LAMA3: variants seen among roughly 807,000 people sequenced by gnomAD.
The protein encoded by LAMA3 is laminin subunit alpha-3.
In LAMA3, 281 loss-of-function variants were observed where a neutral mutation model predicts 402.0. The observed-to-expected ratio is 0.70, with a 90% CI of 0.63 to 0.77. The LOEUF (loss-of-function observed/expected upper bound fraction) is 0.77. Among genes scored for constraint, LAMA3 ranks in the 30% least tolerant of loss-of-function variants. LAMA3 has a pLI of 0.00. For synonymous variants in LAMA3, 1,431 were observed against 1,558.4 expected (o/e 0.92, Z 1.93); for missense variants, 3,840 against 4,215.5 (o/e 0.91, Z 2.47).
chr18:23,861,955 A>T, intron 35 of LAMA3, 148 bp downstream of exon 35: 1 of 886,584 alleles, frequency 1.1e-6, no homozygotes, highest in Non-Finnish European at 1.7e-6. Flanking sequence ...TGAGGAAGAG[A>T]CCCTGCCTCC....
intron 38 of LAMA3, among the ~76,000 whole-genome samples, chr18:23,872,562 C>T (rs142995310): frequency 2.2e-4 from 34 of 152,266 alleles, no homozygotes; most frequent in Admixed American, 1.5e-3. Flanking sequence ...TCTGCGCATA[C>T]GAGTTCCCAC....
chr18:23,884,900 G>A, intron 41 of LAMA3, 47 bp downstream of exon 41: 1 of 1,483,596 alleles, frequency 6.7e-7, no homozygotes, highest in Non-Finnish European at 9.3e-7. Context: ...GGGGCGGGGA[G>A]GGCTGTGGGT....
chr18:23,737,213 G>A (rs1302634854), intron 2 of LAMA3, among the ~76,000 whole-genome samples: 1 of 152,144 alleles, frequency 6.6e-6, no homozygotes, highest in Non-Finnish European at 1.5e-5. Context: ...TCTGGGGTAG[G>A]CTGCCATCCC....
intron 42 of LAMA3, among the ~76,000 whole-genome samples, chr18:23,893,888 C>T (rs2080779982): frequency 6.6e-6 from 1 of 152,220 alleles, no homozygotes; most frequent in Non-Finnish European, 1.5e-5. Flanking sequence ...ATACAAGAGG[C>T]TCTTCAATGA....
intron 12 of LAMA3, among the ~76,000 whole-genome samples, chr18:23,793,444 G>C (rs1004101278): frequency 2.0e-5 from 3 of 152,150 alleles, no homozygotes; most frequent in African/African-American, 7.2e-5. Context: ...GTTGTGGGCT[G>C]AGGAGAGAGT....
chr18:23,804,844 C>T (rs957415953), intron 12 of LAMA3, among the ~76,000 whole-genome samples: 1 of 152,130 alleles, frequency 6.6e-6, no homozygotes, highest in Non-Finnish European at 1.5e-5. Flanking sequence ...TGATACCTCC[C>T]CCTACCTTGC....
intron 37 of LAMA3, among the ~76,000 whole-genome samples, chr18:23,868,239 G>A (rs370258444): frequency 6.6e-6 from 1 of 152,026 alleles, no homozygotes; most frequent in Non-Finnish European, 1.5e-5. Flanking sequence ...CTGAAACTTG[G>A]ATCACTTCTG....
intron 42 of LAMA3, 127 bp downstream of exon 42, chr18:23,890,244 A>C: frequency 1.4e-6 from 1 of 721,646 alleles, no homozygotes; most frequent in Non-Finnish European, 2.5e-6. Context: ...TGTCCCCAGG[A>C]TGCATAATAC....
rs748453919 is a variant in LAMA3 at position 23,939,300 on chromosome 18, C to G, written c.8940C>G (p.Thr2980=). Residue 2980 remains threonine, a synonymous_variant, in exon 68 of 75, where the codon ACC becomes ACG. Transcript: ENST00000313654. ...ATGCTTGCTCACCACTTCCCAAGAC[C>G]CAGGCCAATCATGGAGCCCTCCAGT... ...WQDACSPLPK[T]QANHGALQFG... is the part of the protein sequence containing the mutation. 3 of 1,614,070 alleles carry G rather than the reference C, an allele frequency of 1.9e-6. No homozygotes were observed. Among genetic ancestry groups the G allele is most frequent in the Admixed American group, 1.7e-5 (1 of 60,010 alleles).
intron 4 of LAMA3, among the ~76,000 whole-genome samples, chr18:23,750,383 C>T (rs544900390): frequency 5.1e-5 from 7 of 137,064 alleles, no homozygotes; most frequent in African/African-American, 1.9e-4. Context: ...ATGGTTGACA[C>T]TTGGGCTTCA....
intron 12 of LAMA3, among the ~76,000 whole-genome samples, chr18:23,807,307 C>T (rs2062980728): frequency 6.6e-6 from 1 of 152,064 alleles, no homozygotes; most frequent in African/African-American, 2.4e-5. Flanking sequence ...TGAGACCCTA[C>T]CTGTATTTAT....
intron 32 of LAMA3, among the ~76,000 whole-genome samples, chr18:23,852,165 C>T (rs2063960644): frequency 6.6e-6 from 1 of 152,174 alleles, no homozygotes; most frequent in South Asian, 2.1e-4. Flanking sequence ...GATATTGATG[C>T]TTTCCTAGTT....
chr18:23,895,081 T>C (rs777540705), intron 44 of LAMA3, 23 bp downstream of exon 44: 2 of 1,570,006 alleles, frequency 1.3e-6, no homozygotes, highest in South Asian at 2.3e-5. Context: ...CGGCCGAGAG[T>C]AGACACGTGG....
Position 23,777,590 on chromosome 18 carries a change from C to T in LAMA3, c.1439C>T (p.Ser480Leu), listed in dbSNP as rs372260239. 60 of 1,612,176 alleles carry T rather than the reference C, an allele frequency of 3.7e-5. No homozygotes were observed. In the African/African-American group the frequency reaches 6.9e-4, roughly 19 times the overall value. Residue 480 changes from serine to leucine, a missense_variant, in exon 11 of 75, where the codon TCA becomes TTA. Transcript: ENST00000313654. Reference protein sequence around the residue: ...IPIFPVSTPSSEDPVAGDIKG... With the variant: ...IPIFPVSTPSLEDPVAGDIKG... ...ATTTTTCCTGTTTCTACACCAAGTTCAGAAGATCCAGTAGCTGGAGATATA... is the reference window on the plus strand; with the variant it reads ...ATTTTTCCTGTTTCTACACCAAGTTTAGAAGATCCAGTAGCTGGAGATATA...
At chr18:23,875,123 C>T (rs1229863468) in intron 38 of LAMA3, among the ~76,000 whole-genome samples, 1 of 152,140 alleles carries the variant, frequency 6.6e-6, no homozygotes, top group Non-Finnish European at 1.5e-5. Context: ...CCTCGGCCTC[C>T]CAAAGTGCTG....
chr18:23,717,130 T>G (rs904730183), intron 2 of LAMA3, among the ~76,000 whole-genome samples: 1 of 152,210 alleles, frequency 6.6e-6, no homozygotes, highest in African/African-American at 2.4e-5. Context: ...AGACATTTCT[T>G]TCCTCTTCTG....
intron 7 of LAMA3, among the ~76,000 whole-genome samples, chr18:23,759,614 C>T (rs1215488663): frequency 1.3e-5 from 2 of 152,182 alleles, no homozygotes; most frequent in African/African-American, 4.8e-5. Flanking sequence ...GCCATGTTGG[C>T]CAGGCTGGTC....
intron 67 of LAMA3, among the ~76,000 whole-genome samples, chr18:23,936,826 G>A (rs902072511): frequency 1.3e-5 from 2 of 152,190 alleles, no homozygotes; most frequent in East Asian, 3.9e-4. Context: ...CAGTGGGAAT[G>A]GAGAAAGGAG....
intron 19 of LAMA3, 119 bp downstream of exon 19, chr18:23,820,116 C>G (rs2063256157): frequency 4.8e-6 from 5 of 1,038,912 alleles, no homozygotes; most frequent in Non-Finnish European, 7.4e-6. Context: ...GATTCTTTTT[C>G]TCTATATTAT....
Sources: gnomAD v4.1 joint callset for allele counts (sites outside exome capture counted in the v4.1 genomes callset) on GRCh38, gnomAD v4.1.1 for gene constraint, MANE v1.5 for transcripts, NCBI Gene and HGNC (gene_info 2026-07-23, HGNC 2026-07-21) for gene names.